The following EMILIN2 variants were observed in gnomAD, a reference collection of about 807,000 sequenced individuals.
The protein encoded by EMILIN2 is EMILIN-2.
Under a neutral mutation model 87.1 loss-of-function variants are expected in EMILIN2, and 71 were observed. The ratio of observed to expected loss-of-function variants is 0.82; its 90% CI spans 0.67 to 0.99. The LOEUF (loss-of-function observed/expected upper bound fraction) is 0.99, where lower values mean the gene tolerates loss of function less well. Among genes scored for constraint, EMILIN2 ranks in the 50% least tolerant of loss-of-function variants. The pLI is 0.00. For missense variants in EMILIN2, 1,407 were observed against 1,371.8 expected (o/e 1.03, Z -0.40); for synonymous variants, 581 against 563.4 (o/e 1.03, Z -0.44).
chr18:2,885,529 A>AT (rs1198168365), intron 3 of EMILIN2, among the ~76,000 whole-genome samples: 1 of 151,856 alleles, frequency 6.6e-6, no homozygotes, highest in Non-Finnish European at 1.5e-5. Context: ...TTTATTTTTT[A>AT]TTTTTTTGAG....
At chr18:2,896,354 T>A (rs1375292790) in intron 4 of EMILIN2, among the ~76,000 whole-genome samples, 1 of 152,030 alleles carries the variant, frequency 6.6e-6, no homozygotes, top group African/African-American at 2.4e-5. Flanking sequence ...TTTTGTATTT[T>A]TAGTAGAGAC....
intron 2 of EMILIN2, among the ~76,000 whole-genome samples, chr18:2,851,905 C>T (rs2081308295): frequency 6.6e-6 from 1 of 152,022 alleles, no homozygotes; most frequent in Admixed American, 6.6e-5. Flanking sequence ...TCCATTTTAC[C>T]AAGGAGGAAA....
intron 3 of EMILIN2, among the ~76,000 whole-genome samples, chr18:2,889,010 A>G (rs1200355580): frequency 6.6e-6 from 1 of 150,952 alleles, no homozygotes; most frequent in Non-Finnish European, 1.5e-5. Flanking sequence ...ATTGCAACCT[A>G]TGTTGTGTTT....
chr18:2,870,668 G>A (rs762216016), intron 2 of EMILIN2, among the ~76,000 whole-genome samples: 4 of 152,258 alleles, frequency 2.6e-5, no homozygotes, highest in Admixed American at 1.3e-4. Flanking sequence ...GACGTCTTAT[G>A]GCTTTGAAGG....
In EMILIN2 at chr18:2,892,362, C is replaced by T. The variant is rs758304925; in HGVS notation, c.2235C>T (p.Asn745=). The change falls in exon 4 of 8, where the codon AAC becomes AAT. Residue 745 remains asparagine (N), a synonymous_variant. Coordinates refer to ENST00000254528, the MANE Select transcript of EMILIN2 (RefSeq NM_032048.3). ...SSLWNCVRQM[N]GTLRSHSRDI... ...TGTGGAACTGTGTCAGGCAGATGAA[C>T]GGAACGCTCAGGTCGCATTCCAGAG... The T allele has an allele frequency of 1.1e-5, 18 of 1,614,016 alleles. No homozygotes were observed. Among genetic ancestry groups the T allele is most frequent in the South Asian group, 7.7e-5 (7 of 91,084 alleles).
At chr18:2,888,323 T>C (rs1346237681) in intron 3 of EMILIN2, among the ~76,000 whole-genome samples, 2 of 152,218 alleles carry the variant, frequency 1.3e-5, no homozygotes, top group East Asian at 3.8e-4. Context: ...ACATCCTCAA[T>C]CTTCCCCCCT....
At chr18:2,849,204 C>T (rs981113360) in intron 2 of EMILIN2, among the ~76,000 whole-genome samples, 14 of 152,282 alleles carry the variant, frequency 9.2e-5, no homozygotes, top group African/African-American at 3.4e-4. Flanking sequence ...CAGTCAACGA[C>T]ATCAGAACCA....
chr18:2,868,434 A>C (rs978087686), intron 2 of EMILIN2, among the ~76,000 whole-genome samples: 3 of 152,268 alleles, frequency 2.0e-5, no homozygotes, highest in South Asian at 4.2e-4. Context: ...GCTCTTTGGG[A>C]GGCCAAGGCA....
intron 4 of EMILIN2, among the ~76,000 whole-genome samples, chr18:2,906,034 C>T (rs1032708100): frequency 1.3e-5 from 2 of 152,130 alleles, no homozygotes; most frequent in Non-Finnish European, 2.9e-5. Flanking sequence ...CTCTGGGCAT[C>T]GTGGGCACCA....
At chr18:2,912,032 CTTTTTTTTTTTTT>C (rs35260656) in intron 7 of EMILIN2, among the ~76,000 whole-genome samples, 3 of 73,150 alleles carry the variant, frequency 4.1e-5, no homozygotes, top group South Asian at 5.2e-4. Context: ...CTGACAACCA[CTTTTTTTTTTTTT>C]TTTTTTTTTT....
At chr18:2,872,685 T>C (rs140070994) in intron 2 of EMILIN2, among the ~76,000 whole-genome samples, 187 of 152,360 alleles carry the variant, frequency 1.2e-3, no homozygotes, top group African/African-American at 4.2e-3. Flanking sequence ...TGCTAAGCTG[T>C]AAGTGACTCT....
chr18:2,883,175 G>A (rs749510477), intron 2 of EMILIN2, among the ~76,000 whole-genome samples: 1 of 151,986 alleles, frequency 6.6e-6, no homozygotes, highest in Non-Finnish European at 1.5e-5. Flanking sequence ...CAGTCCCAGC[G>A]GGGTGGATCC....
chr18:2,847,095 G>C lies in EMILIN2; in HGVS notation c.-94G>C. The C allele has an allele frequency of 1.9e-6, 2 of 1,073,524 alleles. No homozygotes were observed. Among genetic ancestry groups the C allele is most frequent in the Non-Finnish European group, 2.3e-6 (2 of 880,212 alleles). The allele number at this position is 1,073,524 out of a possible 1,614,324, so 66.5% of individuals were successfully genotyped here. Reference sequence around the variant, plus strand: ...AAGCGCCCGAGCCTCTTGCCTTCGCGGGCGGCGCCCTGGCCGCCGGCAGCC... The same window carrying C: ...AAGCGCCCGAGCCTCTTGCCTTCGCCGGCGGCGCCCTGGCCGCCGGCAGCC... On this transcript the variant is annotated 5_prime_UTR_variant, in exon 1 of 8. Coordinates refer to ENST00000254528, the MANE Select transcript of EMILIN2 (RefSeq NM_032048.3). The surrounding 1 kb of genome is among the most constrained non-coding windows in gnomAD (Gnocchi z 4.5).
In EMILIN2 at chr18:2,884,896, G is replaced by C. The variant is rs531063409; in HGVS notation, c.258-68G>C. The C allele has an allele frequency of 1.1e-5, 17 of 1,495,156 alleles. No individual in the cohort carries two copies. In the Admixed American group the frequency reaches 2.8e-4, roughly 25 times the overall value. The allele number at this position is 1,495,156 out of a possible 1,614,324, so 92.6% of individuals were successfully genotyped here. On this transcript the variant is annotated intron_variant, in intron 2 of 7. Coordinates refer to ENST00000254528, the MANE Select transcript of EMILIN2 (RefSeq NM_032048.3). ...TGCATGCCCTGAGTCCTCTTTATTT[G>C]GGTCTAGCGCCGGAAGTTGCTTGTA...
At chr18:2,857,923 C>T (rs1223128730) in intron 2 of EMILIN2, among the ~76,000 whole-genome samples, 2 of 152,172 alleles carry the variant, frequency 1.3e-5, no homozygotes, top group South Asian at 2.1e-4. Flanking sequence ...CAAGTTTCAT[C>T]ACCTCCTGGC....
chr18:2,909,056 C>G, intron 6 of EMILIN2, 81 bp downstream of exon 6: 1 of 1,524,888 alleles, frequency 6.6e-7, no homozygotes, highest in Non-Finnish European at 9.1e-7. Flanking sequence ...CCTGCCTCCT[C>G]CCTCCAGGCT....
chr18:2,865,229 T>C (rs2076680608), intron 2 of EMILIN2, among the ~76,000 whole-genome samples: 1 of 152,264 alleles, frequency 6.6e-6, no homozygotes, highest in Non-Finnish European at 1.5e-5. Flanking sequence ...TCAAAGTCAT[T>C]CTGCGTCCAG....
At position 2,905,775 on chromosome 18, in the gene EMILIN2, GTT is replaced by G. The variant is rs1006831509; in HGVS notation, c.2360-1002_2360-1001del. On this transcript the variant is annotated intron_variant, in intron 4 of 7. Coordinates refer to ENST00000254528, the MANE Select transcript of EMILIN2 (RefSeq NM_032048.3). ...GCTCCACTACCCCGGGCTAATTTTTGTTTTTTTGTTTTTTTTTTTTGGATATT... is the reference window on the plus strand; with the variant it reads ...GCTCCACTACCCCGGGCTAATTTTTGTTTTTGTTTTTTTTTTTTGGATATT... 3.1e-4 allele frequency among the ~76,000 whole-genome samples: 29 copies of G among 92,720 alleles called. 1 individual carries two copies. The highest frequency in any genetic ancestry group is 1.5e-3 in the South Asian group (3 of 2,042). 60.8% of individuals were successfully genotyped at this position (92,720 alleles called of 152,430 possible).
chr18:2,884,130 G>A (rs1208682271), intron 2 of EMILIN2, among the ~76,000 whole-genome samples: 5 of 152,100 alleles, frequency 3.3e-5, no homozygotes, highest in Admixed American at 2.0e-4. Flanking sequence ...TAATGTTTTT[G>A]TATTTTTAGT....
Sources: gnomAD v4.1 joint callset for allele counts (sites outside exome capture counted in the v4.1 genomes callset) on GRCh38, gnomAD v4.1.1 for gene constraint, Gnocchi (gnomAD v3.1) non-coding constraint, MANE v1.5 for transcripts, NCBI Gene and HGNC (gene_info 2026-07-23, HGNC 2026-07-21) for gene names.